Variants in LRFN5 observed in about 807,000 individuals in gnomAD.
LRFN5 encodes leucine rich repeat and fibronectin type III domain containing 5, also known as leucine-rich repeat and fibronectin type-III domain-containing protein 5.
Under a neutral mutation model 45.6 loss-of-function variants are expected in LRFN5, and 24 were observed. That is an observed-to-expected ratio of 0.53 (90% CI 0.38 to 0.74). LRFN5 has a LOEUF of 0.74. LRFN5 is among the 30% of genes least tolerant of loss of function. The probability of loss-of-function intolerance (pLI) is 0.00; values close to 1 mark genes in which losing one functional copy is unlikely to be tolerated. For synonymous variants in LRFN5, 340 were observed against 313.8 expected, an observed-to-expected ratio of 1.08 and a Z score of -0.88; for missense variants, 776 against 861.5, an observed-to-expected ratio of 0.90 and a Z score of 1.24.
At position 41,799,733 on chromosome 14, in the gene LRFN5, C is replaced by T. The variant is rs968838890; in HGVS notation, c.-21+32704C>T. ...ATGGTAGGGTATGTGAGGAGATAAA[C>T]GCATTTGGTGGTGTTCTCTGTCCTT... On this transcript the variant is annotated intron_variant, in intron 2 of 5. Transcript: ENST00000298119. Among the ~76,000 whole-genome samples the T allele has an allele frequency of 3.3e-5, 5 of 151,836 alleles. No individual in the cohort carries two copies. The South Asian group carries it at 6.2e-4, about 19-fold the overall frequency.
chr14:41,741,931 A>G (rs1471486546), intron 1 of LRFN5, among the ~76,000 whole-genome samples: 1 of 151,742 alleles, frequency 6.6e-6, no homozygotes, highest in Non-Finnish European at 1.5e-5. Context: ...AATGTCTCTA[A>G]TCATCAGGGA....
intron 2 of LRFN5, among the ~76,000 whole-genome samples, chr14:41,803,783 A>G (rs1419236736): frequency 6.6e-6 from 1 of 152,186 alleles, no homozygotes; most frequent in Non-Finnish European, 1.5e-5. Flanking sequence ...GATAGAGCTG[A>G]TTTATCAAGA....
rs148475935 is a variant in LRFN5 at position 41,859,862 on chromosome 14, T to C, written c.-20-26744T>C. Reference sequence around the variant, plus strand: ...CACACTGAAAGTATCATTTTCCCCTTATTTGTGCCAGGTTTCTTATACATA... The same window carrying C: ...CACACTGAAAGTATCATTTTCCCCTCATTTGTGCCAGGTTTCTTATACATA... On this transcript the variant is annotated intron_variant, in intron 2 of 5. Coordinates refer to ENST00000298119, the MANE Select transcript of LRFN5 (RefSeq NM_152447.5). Among the ~76,000 whole-genome samples, 373 of 152,320 alleles carry C rather than the reference T, an allele frequency of 2.4e-3. 1 individual carries two copies. Among genetic ancestry groups the C allele is most frequent in the African/African-American group, 8.3e-3 (344 of 41,562 alleles).
At chr14:41,860,617 A>C (rs925945622) in intron 2 of LRFN5, among the ~76,000 whole-genome samples, 2 of 152,218 alleles carry the variant, frequency 1.3e-5, no homozygotes, top group African/African-American at 4.8e-5. Context: ...CTGCTATTTA[A>C]AAATTAAAAC....
chr14:41,846,214 G>GACAC (rs61090774), intron 2 of LRFN5, among the ~76,000 whole-genome samples: 2,548 of 150,316 alleles, frequency 0.017, 24 homozygotes, highest in Non-Finnish European at 0.018. Context: ...TGTTTACACA[G>GACAC]ACACACACAC....
chr14:41,704,230 A>G (rs1882954539), intron 1 of LRFN5, among the ~76,000 whole-genome samples: 1 of 152,122 alleles, frequency 6.6e-6, no homozygotes, highest in Non-Finnish European at 1.5e-5. Context: ...AGACATCAGC[A>G]GCCAGAGCTG....
chr14:41,722,565 G>GTTTTTTTTTTT (rs201341679), intron 1 of LRFN5, among the ~76,000 whole-genome samples: 1 of 145,782 alleles, frequency 6.9e-6, no homozygotes. Context: ...AAAATACGGT[G>GTTTTTTTTTTT]TTTTTTTTTT....
In LRFN5 at chr14:41,607,508, G is replaced by T. The variant is rs1887538594; in HGVS notation, c.-1251G>T. On this transcript the variant is annotated 5_prime_UTR_variant, in exon 1 of 6. Transcript: ENST00000298119. The stretch of plus-strand genomic sequence containing the variant: ...GCATGTCTCTAGTGTTTTGTAAGCC[G>T]CTTTCCAGCTAGCTGCGTGTGTGTG... The T allele has an allele frequency of 6.6e-6, 1 of 152,156 alleles. No homozygotes were observed. The highest frequency in any genetic ancestry group is 1.5e-5 in the Non-Finnish European group (1 of 68,054). 9.4% of individuals were successfully genotyped at this position (152,156 alleles called of 1,614,324 possible).
At chr14:41,706,022 C>T (rs552091470) in intron 1 of LRFN5, among the ~76,000 whole-genome samples, 1 of 152,296 alleles carries the variant, frequency 6.6e-6, no homozygotes, top group East Asian at 1.9e-4. Flanking sequence ...TTGATTCAAC[C>T]ATATGCACAT....
chr14:41,850,577 A>G (rs1449218735), intron 2 of LRFN5, among the ~76,000 whole-genome samples: 5 of 152,102 alleles, frequency 3.3e-5, no homozygotes, highest in African/African-American at 1.2e-4. Flanking sequence ...GTGAGAACAA[A>G]AAGAGATAAA....
intron 1 of LRFN5, among the ~76,000 whole-genome samples, chr14:41,734,333 T>A (rs1311789406): frequency 9.4e-6 from 1 of 105,826 alleles, no homozygotes; most frequent in East Asian, 3.8e-4. Flanking sequence ...TATATATATA[T>A]ATATATATAT....
intron 2 of LRFN5, among the ~76,000 whole-genome samples, chr14:41,807,906 A>G (rs541061165): frequency 1.3e-5 from 2 of 152,082 alleles, no homozygotes; most frequent in South Asian, 2.1e-4. Flanking sequence ...ATCGAAGTGA[A>G]TAATTTTCAC....
intron 1 of LRFN5, among the ~76,000 whole-genome samples, chr14:41,662,779 C>T (rs1880716328): frequency 6.6e-6 from 1 of 152,074 alleles, no homozygotes; most frequent in South Asian, 2.1e-4. Context: ...TGCTTCACTT[C>T]TGCTTTCTAA....
intron 2 of LRFN5, among the ~76,000 whole-genome samples, chr14:41,850,220 G>A (rs1889217460): frequency 6.6e-6 from 1 of 151,770 alleles, no homozygotes; most frequent in Admixed American, 6.6e-5. Context: ...ATACACATAG[G>A]TAATGCAAGT....
At chr14:41,837,025 T>G (rs1485573733) in intron 2 of LRFN5, among the ~76,000 whole-genome samples, 1 of 151,940 alleles carries the variant, frequency 6.6e-6, no homozygotes, top group Non-Finnish European at 1.5e-5. Context: ...TTTGCCAGTT[T>G]CTTCCTCCCC....
At chr14:41,628,673 T>A (rs1343611797) in intron 1 of LRFN5, among the ~76,000 whole-genome samples, 1 of 152,182 alleles carries the variant, frequency 6.6e-6, no homozygotes, top group Non-Finnish European at 1.5e-5. Flanking sequence ...CTTGGTTGAA[T>A]GTACAGATTA....
intron 1 of LRFN5, among the ~76,000 whole-genome samples, chr14:41,626,336 A>G (rs1425990803): frequency 2.6e-5 from 4 of 152,118 alleles, no homozygotes; most frequent in African/African-American, 7.2e-5. Context: ...TTTTCTATAA[A>G]TAAATTAAAG....
At chr14:41,737,236 A>G (rs1566644680) in intron 1 of LRFN5, among the ~76,000 whole-genome samples, 1 of 152,162 alleles carries the variant, frequency 6.6e-6, no homozygotes, top group East Asian at 1.9e-4. Flanking sequence ...CATAAACAGA[A>G]CCAATGGCAA....
At chr14:41,885,295 A>G (rs1170507528) in intron 2 of LRFN5, among the ~76,000 whole-genome samples, 1 of 151,470 alleles carries the variant, frequency 6.6e-6, no homozygotes, top group Non-Finnish European at 1.5e-5. Flanking sequence ...ACTGCACTGC[A>G]CAGCTTGGGT....
Sources: gnomAD v4.1 joint callset for allele counts (sites outside exome capture counted in the v4.1 genomes callset) on GRCh38, gnomAD v4.1.1 for gene constraint, MANE v1.5 for transcripts, NCBI Gene and HGNC (gene_info 2026-07-23, HGNC 2026-07-21) for gene names.